Variants in MBNL1 observed in about 807,000 individuals in gnomAD.
MBNL1 encodes muscleblind-like protein 1.
A neutral mutation model predicts 42.2 loss-of-function variants in MBNL1; 8 were observed. The observed-to-expected ratio is 0.19, with a 90% CI of 0.11 to 0.34. MBNL1 has a LOEUF of 0.34. Ranked by LOEUF, MBNL1 falls within the 10% of genes least tolerant of loss-of-function variation. The pLI, the probability that MBNL1 is intolerant of heterozygous loss-of-function variation, is 1.00. For synonymous variants in MBNL1, 169 were observed against 173.9 expected, an observed-to-expected ratio of 0.97 and a Z score of 0.22; for missense variants, 309 against 495.3, an observed-to-expected ratio of 0.62 and a Z score of 3.57.
chr3:152,338,391 C>T (rs770279121), intron 2 of MBNL1: 40 of 985,366 alleles, frequency 4.1e-5, no homozygotes, highest in South Asian at 4.7e-5. Context: ...CTTGTGAAAG[C>T]GGGGAATATT....
At chr3:152,373,859 T>A (rs1410314274) in intron 2 of MBNL1, among the ~76,000 whole-genome samples, 1 of 152,236 alleles carries the variant, frequency 6.6e-6, no homozygotes, top group Non-Finnish European at 1.5e-5. Flanking sequence ...ATTTTAAAAT[T>A]AGATTTATAA....
chr3:152,397,436 T>A (rs2098014953), intron 2 of MBNL1, among the ~76,000 whole-genome samples: 1 of 152,136 alleles, frequency 6.6e-6, no homozygotes. Flanking sequence ...CAACTCCTAC[T>A]TACACTTGAG....
chr3:152,448,166 G>A (rs1714182511), intron 6 of MBNL1, among the ~76,000 whole-genome samples: 1 of 152,000 alleles, frequency 6.6e-6, no homozygotes, highest in Non-Finnish European at 1.5e-5. Context: ...AGCACTTTCA[G>A]TTTTGATTTT....
In MBNL1 at chr3:152,371,635, C is replaced by T. The variant is rs975309944; in HGVS notation, c.175-43306C>T. 5.3e-5 allele frequency among the ~76,000 whole-genome samples: 8 copies of T among 152,188 alleles called. No homozygotes were observed. The South Asian group carries it at 6.2e-4, about 12-fold the overall frequency. On this transcript the variant is annotated intron_variant, in intron 2 of 9. Coordinates refer to ENST00000324210, the MANE Select transcript of MBNL1 (RefSeq NM_021038.5). ...AATGTTGAATATTGGCCCGCACTCT[C>T]TTCTGGCTTGTAGTGTTTCCGCAGA...
At chr3:152,268,558 G>A, upstream of MBNL1, 1 of 350,414 alleles carries the variant, frequency 2.9e-6, no homozygotes. Context: ...AAGCGGGAGG[G>A]CGTCCGGTCT....
intron 1 of MBNL1, among the ~76,000 whole-genome samples, chr3:152,284,445 G>A (rs995283382): frequency 6.6e-5 from 10 of 152,064 alleles, no homozygotes; most frequent in African/African-American, 2.4e-4. Context: ...TTTAGTACAT[G>A]TAAAAGAAAA....
intron 4 of MBNL1, among the ~76,000 whole-genome samples, chr3:152,440,109 G>A (rs968662971): frequency 6.6e-6 from 1 of 152,190 alleles, no homozygotes; most frequent in Non-Finnish European, 1.5e-5. Flanking sequence ...AAGCATGCTT[G>A]TGTTTTCTGG....
chr3:152,282,163 T>G (rs1350365875), intron 1 of MBNL1, among the ~76,000 whole-genome samples: 1 of 152,172 alleles, frequency 6.6e-6, no homozygotes, highest in African/African-American at 2.4e-5. Context: ...AATACAAGTA[T>G]GGGCTTGTGA....
intron 1 of MBNL1, among the ~76,000 whole-genome samples, chr3:152,280,280 A>G (rs1041533093): frequency 6.6e-6 from 1 of 152,188 alleles, no homozygotes; most frequent in African/African-American, 2.4e-5. Context: ...TTGTGGGCAG[A>G]GTGTGGAATT....
At chr3:152,302,184 T>G (rs2060981888) in intron 2 of MBNL1, 1 of 152,186 alleles carries the variant, frequency 6.6e-6, no homozygotes, top group Non-Finnish European at 1.5e-5. Context: ...ATCAAGGACT[T>G]TAAATAATTT....
rs570450133 is a variant in MBNL1 at position 152,432,435 on chromosome 3, C to CA, written c.346-272dup. Reference sequence around the variant, plus strand: ...GTTTCTGCATAGTTTATCTATTTTTCAAAAAAAAAATACAAGTATTATAGA... The same window carrying CA: ...GTTTCTGCATAGTTTATCTATTTTTCAAAAAAAAAAATACAAGTATTATAGA... On this transcript the variant is annotated intron_variant, in intron 3 of 9. Coordinates refer to ENST00000324210, the MANE Select transcript of MBNL1 (RefSeq NM_021038.5). 1.2e-3 allele frequency among the ~76,000 whole-genome samples: 175 copies of CA among 145,998 alleles called. 3 individuals are homozygous for CA. The highest frequency in any genetic ancestry group is 0.011 in the East Asian group (56 of 5,050).
chr3:152,310,914 A>G (rs573873682), intron 2 of MBNL1, among the ~76,000 whole-genome samples: 23 of 151,940 alleles, frequency 1.5e-4, no homozygotes, highest in Admixed American at 9.8e-4. Context: ...GTTTCATTTC[A>G]TAACTTTTTT....
intron 2 of MBNL1, among the ~76,000 whole-genome samples, chr3:152,409,301 G>A (rs1194805986): frequency 6.6e-6 from 1 of 152,214 alleles, no homozygotes; most frequent in African/African-American, 2.4e-5. Flanking sequence ...ATACGTGTAT[G>A]TGTTTGTGTG....
intron 2 of MBNL1, among the ~76,000 whole-genome samples, chr3:152,357,768 A>C (rs543862806): frequency 6.6e-6 from 1 of 152,192 alleles, no homozygotes; most frequent in Non-Finnish European, 1.5e-5. Flanking sequence ...GAGTGAGTAA[A>C]GTTACTCATT....
intron 2 of MBNL1, among the ~76,000 whole-genome samples, chr3:152,412,941 G>T (rs866326680): frequency 6.6e-6 from 1 of 152,122 alleles, no homozygotes; most frequent in Non-Finnish European, 1.5e-5. Flanking sequence ...ACTATGATGC[G>T]GAGATACTGA....
At chr3:152,279,703 T>C (rs1383623873) in intron 1 of MBNL1, among the ~76,000 whole-genome samples, 2 of 152,162 alleles carry the variant, frequency 1.3e-5, no homozygotes, top group African/African-American at 4.8e-5. Context: ...CCATTTGGGA[T>C]TCCCTCAGAG....
intron 1 of MBNL1, among the ~76,000 whole-genome samples, chr3:152,289,071 G>A (rs1270239754): frequency 6.7e-6 from 1 of 150,022 alleles, no homozygotes; most frequent in Non-Finnish European, 1.5e-5. Context: ...GTACATATTC[G>A]TAAAGGTTTT....
intron 2 of MBNL1, among the ~76,000 whole-genome samples, chr3:152,347,470 A>C (rs908461982): frequency 2.0e-4 from 31 of 152,144 alleles, no homozygotes; most frequent in African/African-American, 7.5e-4. Context: ...ATGTCTTTTA[A>C]GTCTTCAAAT....
chr3:152,361,610 T>A (rs1372819459), intron 2 of MBNL1, among the ~76,000 whole-genome samples: 1 of 151,866 alleles, frequency 6.6e-6, no homozygotes, highest in Non-Finnish European at 1.5e-5. Context: ...TATGAGGGAC[T>A]TTGTGAGTTA....
Sources: allele counts gnomAD v4.1 joint callset (sites outside exome capture counted in the v4.1 genomes callset), GRCh38; gene constraint gnomAD v4.1.1; transcripts MANE v1.5; gene names NCBI Gene and HGNC (gene_info 2026-07-23, HGNC 2026-07-21).